The following CACNA1S variants were observed in gnomAD, a reference collection of about 807,000 sequenced individuals.
The protein encoded by CACNA1S is calcium voltage-gated channel subunit alpha1 S, also known as voltage-dependent L-type calcium channel subunit alpha-1S.
In CACNA1S, 126 loss-of-function variants were observed where a neutral mutation model predicts 207.4. That is an observed-to-expected ratio of 0.61 (90% confidence interval 0.53 to 0.70). The LOEUF (loss-of-function observed/expected upper bound fraction) is 0.70. CACNA1S is among the 30% of genes least tolerant of loss of function. CACNA1S has a pLI of 0.00. For synonymous variants in CACNA1S, 960 were observed against 932.7 expected (o/e 1.03, Z -0.53); for missense variants, 2,349 against 2,422.8 (o/e 0.97, Z 0.64).
In CACNA1S at chr1:201,039,720, T is replaced by G; in HGVS notation, c.*111A>C. ...CCCTGCCTCAGGCCATGCATCTAGC[T>G]GCTGAGAGGGAGGGAGGCTGCTGCG... On this transcript the variant is annotated 3_prime_UTR_variant, in exon 44 of 44. Coordinates refer to ENST00000362061, the MANE Select transcript of CACNA1S (RefSeq NM_000069.3). 6.8e-7 allele frequency: 1 copy of G among 1,463,780 alleles called. No homozygotes were observed. The highest frequency in any genetic ancestry group is 2.3e-5 in the East Asian group (1 of 44,124). The allele number at this position is 1,463,780 out of a possible 1,614,324, so 90.7% of individuals were successfully genotyped here.
At chr1:201,084,326 T>A (rs1021326846) in intron 9 of CACNA1S, among the ~76,000 whole-genome samples, 1 of 152,080 alleles carries the variant, frequency 6.6e-6, no homozygotes, top group African/African-American at 2.4e-5. Context: ...GCAAGACGGA[T>A]GAAAGCACAG....
intron 15 of CACNA1S, 31 bp from the exon 16 acceptor site, chr1:201,072,855 T>C: frequency 1.3e-6 from 2 of 1,586,936 alleles, no homozygotes; most frequent in Non-Finnish European, 1.7e-6. Context: ...ACTATAACAA[T>C]GAAAAAGAAG....
In CACNA1S at chr1:201,048,998, G is replaced by T. The variant is rs1201801880; in HGVS notation, c.4338+5C>A. The T allele has an allele frequency of 1.2e-6, 2 of 1,611,616 alleles. No individual in the cohort carries two copies. The highest frequency in any genetic ancestry group is 1.7e-6 in the Non-Finnish European group (2 of 1,178,002). ...GGGCCACCCATCCCTGGCAGCTCTG[G>T]TTACCTTACAAGCTACCCGATGTGG... On this transcript the variant is annotated splice_donor_5th_base_variant and intron_variant, in intron 35 of 43. Transcript: ENST00000362061.
rs544975054 is a variant in CACNA1S, at chr1:201,062,371, C to T, written c.2906+91G>A. 9 of 1,321,792 alleles carry T rather than the reference C, an allele frequency of 6.8e-6. No homozygotes were observed. In the East Asian group the frequency reaches 6.9e-5, roughly 10 times the overall value. 81.9% of individuals were successfully genotyped at this position (1,321,792 alleles called of 1,614,324 possible). A position where few individuals can be genotyped will look rare whatever the true frequency, so the allele number is the denominator to read the frequency against. The stretch of plus-strand genomic sequence containing the variant: ...CCTGCCACACTCCCTGCCCCGTGAC[C>T]GTAACCCTCCCACAGTGCTCCCTGC... On this transcript the variant is annotated intron_variant, in intron 23 of 43. Coordinates refer to ENST00000362061, the MANE Select transcript of CACNA1S (RefSeq NM_000069.3).
intron 40 of CACNA1S, chr1:201,041,976 C>T (rs957030738): frequency 1.2e-5 from 4 of 342,870 alleles, no homozygotes; most frequent in South Asian, 1.1e-4. Context: ...TGTGGTGAGG[C>T]CCAGGCATTG....
chr1:201,097,245 C>T (rs1186471079), intron 2 of CACNA1S, among the ~76,000 whole-genome samples: 12 of 152,278 alleles, frequency 7.9e-5, no homozygotes, highest in African/African-American at 2.4e-4. Context: ...CATACAGACC[C>T]GGCTACTGCC....
At position 201,066,638 on chromosome 1, in the gene CACNA1S, G is replaced by C. The variant is rs1020144150; in HGVS notation, c.2657+249C>G. Among the ~76,000 whole-genome samples, 3 of 152,188 alleles carry C rather than the reference G, an allele frequency of 2.0e-5. No individual in the cohort carries two copies. Among genetic ancestry groups the C allele is most frequent in the Admixed American group, 2.0e-4 (3 of 15,280 alleles). On this transcript the variant is annotated intron_variant, in intron 20 of 43. Transcript: ENST00000362061. This position sits in a 1 kb window ranked among gnomAD's most constrained non-coding sequence, Gnocchi z 4.3. ...GGGCTGTGCTCCCCACAGGGTCGGG[G>C]AGGGAGGGACCACTTCCTCCTCTCT...
At chr1:201,076,015 C>T (rs143361641) in intron 12 of CACNA1S, among the ~76,000 whole-genome samples, 2,749 of 152,242 alleles carry the variant, frequency 0.018, 58 homozygotes, top group Non-Finnish European at 0.021. Context: ...TTGCAGTGAG[C>T]TGAGATTGTG....
At chr1:201,047,730 A>G in intron 36 of CACNA1S, 104 bp from the exon 37 acceptor site, 1 of 799,890 alleles carries the variant, frequency 1.3e-6, no homozygotes, top group Non-Finnish European at 2.2e-6. Context: ...ATTTACTAAG[A>G]AACATTGGCT....
At chr1:201,041,687 G>T (rs1660220992) in intron 40 of CACNA1S, 98 bp from the exon 41 acceptor site, 1 of 894,720 alleles carries the variant, frequency 1.1e-6, no homozygotes, top group Non-Finnish European at 1.8e-6. Flanking sequence ...CTCAGAGCCT[G>T]TACAAGGCCA....
chr1:201,097,860 C>T (rs995619109), intron 2 of CACNA1S, among the ~76,000 whole-genome samples: 2 of 152,142 alleles, frequency 1.3e-5, no homozygotes, highest in African/African-American at 2.4e-5. Context: ...TATGGTCCCC[C>T]GACACAGATG....
At chr1:201,070,506 C>T (rs1484905783) in intron 16 of CACNA1S, 102 bp from the exon 17 acceptor site, 1 of 1,514,882 alleles carries the variant, frequency 6.6e-7, no homozygotes, top group African/African-American at 1.4e-5. Context: ...AGCCAGTAAG[C>T]AAGGGACCAC....
Position 201,094,007 on chromosome 1 carries a change from A to G in CACNA1S, c.273T>C (p.Tyr91=). The part of the protein sequence containing the change: ...SLNLGLEKLE[Y]FFLIVFSIEA... ...CAATCGAGAAGACAATGAGGAAGAA[A>G]TACTCCAGCTTCTCCTGTGGGAGCA... The change falls in exon 3 of 44, where the codon TAT becomes TAC. Residue 91 remains tyrosine, a synonymous_variant. Transcript: ENST00000362061. 1.2e-6 allele frequency: 2 copies of G among 1,614,172 alleles called. No homozygotes were observed. Among genetic ancestry groups the G allele is most frequent in the Non-Finnish European group, 1.7e-6 (2 of 1,180,024 alleles).
At chr1:201,061,498 C>A in intron 24 of CACNA1S, 30 bp from the exon 25 acceptor site, 1 of 1,602,570 alleles carries the variant, frequency 6.2e-7, no homozygotes, top group South Asian at 1.1e-5. Flanking sequence ...AGAGGACAGA[C>A]TGGGTGGGGT....
chr1:201,112,107 G>A, intron 1 of CACNA1S, 81 bp downstream of exon 1: 1 of 1,432,900 alleles, frequency 7.0e-7, no homozygotes, highest in Admixed American at 1.8e-5. Context: ...CCCTCCTGTA[G>A]GAAGTTTGTG....
At chr1:201,050,861 C>T (rs1424262826) in intron 33 of CACNA1S, 123 bp downstream of exon 33, 1 of 1,059,328 alleles carries the variant, frequency 9.4e-7, no homozygotes, top group African/African-American at 1.6e-5. Flanking sequence ...TAACTAGAGC[C>T]TCCTGCGTCC....
intron 26 of CACNA1S, among the ~76,000 whole-genome samples, chr1:201,060,247 G>T (rs2102572741): frequency 6.6e-6 from 1 of 152,246 alleles, no homozygotes; most frequent in African/African-American, 2.4e-5. Context: ...TGTCTATAAA[G>T]GGTGCTCAAC....
intron 2 of CACNA1S, among the ~76,000 whole-genome samples, chr1:201,108,236 G>T (rs1662969508): frequency 6.6e-6 from 1 of 151,802 alleles, no homozygotes; most frequent in African/African-American, 2.4e-5. Context: ...CTCCCGAGTA[G>T]ATGGAACAAG....
Position 201,055,390 on chromosome 1 carries a change from G to A in CACNA1S, c.3610-829C>T, listed in dbSNP as rs138812320. Among the ~76,000 whole-genome samples the A allele has an allele frequency of 2.5e-3, 384 of 152,242 alleles. 2 individuals are homozygous for A. The highest frequency in any genetic ancestry group is 8.3e-3 in the African/African-American group (343 of 41,516). On this transcript the variant is annotated intron_variant, in intron 28 of 43. Transcript: ENST00000362061. The stretch of plus-strand genomic sequence containing the variant: ...TCGAAAAACACATATACCTTTGCTG[G>A]GTCTGCACTTAGGTCAATTAAGTCA...
Sources: gnomAD v4.1 joint callset for allele counts (sites outside exome capture counted in the v4.1 genomes callset) on GRCh38, gnomAD v4.1.1 for gene constraint, Gnocchi (gnomAD v3.1) non-coding constraint, MANE v1.5 for transcripts, NCBI Gene and HGNC (gene_info 2026-07-23, HGNC 2026-07-21) for gene names.